SLC9C1: variants seen among roughly 807,000 people sequenced by gnomAD.
SLC9C1 encodes the protein solute carrier family 9 member C1.
Under a neutral mutation model 140.9 loss-of-function variants are expected in SLC9C1, and 97 were observed. The ratio of observed to expected loss-of-function variants is 0.69; its 90% confidence interval spans 0.58 to 0.82. The LOEUF is 0.82. Ranked by LOEUF, SLC9C1 falls within the 40% of genes least tolerant of loss-of-function variation. The pLI, the probability that SLC9C1 is intolerant of heterozygous loss-of-function variation, is 0.00. For synonymous variants in SLC9C1, 440 were observed against 442.6 expected (o/e 0.99, Z 0.07); for missense variants, 1,340 against 1,389.3 (o/e 0.96, Z 0.56).
At chr3:112,155,491 A>G (rs894998453) in intron 26 of SLC9C1, among the ~76,000 whole-genome samples, 1 of 152,156 alleles carries the variant, frequency 6.6e-6, no homozygotes, top group South Asian at 2.1e-4. Context: ...ATGTTGGGCT[A>G]TTGGAGCATG....
intron 10 of SLC9C1, among the ~76,000 whole-genome samples, chr3:112,247,845 T>A (rs2108245133): frequency 6.6e-6 from 1 of 151,194 alleles, no homozygotes; most frequent in African/African-American, 2.4e-5. Context: ...GAAGAGAAAA[T>A]GTAAAGTGGT....
At chr3:112,150,769 C>CAT (rs199513835) in intron 28 of SLC9C1, among the ~76,000 whole-genome samples, 33 of 126,544 alleles carry the variant, frequency 2.6e-4, no homozygotes, top group African/African-American at 8.7e-4. Context: ...TATAAAAATA[C>CAT]ATATATATAT....
intron 28 of SLC9C1, among the ~76,000 whole-genome samples, chr3:112,149,164 G>T (rs114940143): frequency 3.3e-5 from 5 of 152,104 alleles, no homozygotes; most frequent in Non-Finnish European, 7.4e-5. Flanking sequence ...CACAGGAAGT[G>T]GGGGGAGCAG....
At chr3:112,248,460 G>A (rs2079355115) in intron 10 of SLC9C1, among the ~76,000 whole-genome samples, 1 of 151,968 alleles carries the variant, frequency 6.6e-6, no homozygotes. Context: ...TGATACATAT[G>A]TATTTCATTA....
chr3:112,161,413 T>C (rs373336532), intron 26 of SLC9C1, among the ~76,000 whole-genome samples: 3 of 152,180 alleles, frequency 2.0e-5, no homozygotes, highest in African/African-American at 7.2e-5. Flanking sequence ...GGTCTAACGT[T>C]TAAGTCTTTA....
chr3:112,162,020 C>A (rs991786539), intron 26 of SLC9C1, among the ~76,000 whole-genome samples: 3 of 152,110 alleles, frequency 2.0e-5, no homozygotes, highest in African/African-American at 7.2e-5. Flanking sequence ...GTATTTTATT[C>A]TCTTTGAAGC....
At chr3:112,188,180 G>A (rs2077575734) in intron 20 of SLC9C1, among the ~76,000 whole-genome samples, 1 of 152,078 alleles carries the variant, frequency 6.6e-6, no homozygotes, top group Admixed American at 6.5e-5. Flanking sequence ...TTGAATAACT[G>A]TAGATTCCTA....
intron 10 of SLC9C1, among the ~76,000 whole-genome samples, chr3:112,251,794 G>T (rs984233658): frequency 1.1e-4 from 16 of 151,884 alleles, no homozygotes; most frequent in Admixed American, 5.9e-4. Flanking sequence ...ACAGGTCCAT[G>T]ATCCTGCTTC....
At chr3:112,143,493 A>T (rs545628567) in intron 28 of SLC9C1, among the ~76,000 whole-genome samples, 1 of 152,302 alleles carries the variant, frequency 6.6e-6, no homozygotes, top group South Asian at 2.1e-4. Flanking sequence ...ATGATTAGTC[A>T]TGATGAGCAC....
intron 23 of SLC9C1, among the ~76,000 whole-genome samples, chr3:112,173,372 A>T (rs2077280558): frequency 6.6e-6 from 1 of 152,146 alleles, no homozygotes; most frequent in Non-Finnish European, 1.5e-5. Flanking sequence ...TCATTTTATC[A>T]CCCAGGTAAT....
At chr3:112,204,112 A>C in intron 17 of SLC9C1, 106 bp downstream of exon 17, 1 of 1,194,310 alleles carries the variant, frequency 8.4e-7, no homozygotes, top group Non-Finnish European at 1.1e-6. Context: ...TATAAACATT[A>C]ACCCAACAGA....
At chr3:112,162,150 T>C (rs1425141776) in intron 26 of SLC9C1, among the ~76,000 whole-genome samples, 3 of 152,234 alleles carry the variant, frequency 2.0e-5, no homozygotes, top group Non-Finnish European at 4.4e-5. Context: ...AAGTTGCTTA[T>C]GAGCTTAAGG....
At chr3:112,181,036 G>C (rs777447932) in intron 21 of SLC9C1, among the ~76,000 whole-genome samples, 2 of 152,130 alleles carry the variant, frequency 1.3e-5, no homozygotes, top group Non-Finnish European at 2.9e-5. Flanking sequence ...GATTACAGGC[G>C]TGAGCCACCA....
intron 26 of SLC9C1, 146 bp from the exon 27 acceptor site, chr3:112,155,195 A>T: frequency 1.7e-6 from 1 of 603,338 alleles, no homozygotes; most frequent in Non-Finnish European, 2.7e-6. Flanking sequence ...TGGTTAAAAA[A>T]AAGGGTCACA....
At chr3:112,279,905 T>G (rs1361723828) in intron 3 of SLC9C1, among the ~76,000 whole-genome samples, 2 of 152,222 alleles carry the variant, frequency 1.3e-5, no homozygotes, top group Non-Finnish European at 2.9e-5. Flanking sequence ...GCTTATTAGC[T>G]GGCAAGTAGA....
At chr3:112,269,705 T>C (rs1221450754) in intron 7 of SLC9C1, among the ~76,000 whole-genome samples, 1 of 151,452 alleles carries the variant, frequency 6.6e-6, no homozygotes, top group African/African-American at 2.4e-5. Context: ...TTTTTCTTTC[T>C]TTTATAATAG....
rs368429212 is a variant in SLC9C1 at position 112,185,387 on chromosome 3, T to C, written c.2524-3129A>G. On this transcript the variant is annotated intron_variant, in intron 20 of 28. Coordinates refer to ENST00000305815, the MANE Select transcript of SLC9C1 (RefSeq NM_183061.3). ...TCAGCTCCAGGTCATCGGCCTGCGA[T>C]GGGGATGGGGAAGCTGAAAGAGGCA... 568 of 789,384 alleles carry C rather than the reference T, an allele frequency of 7.2e-4. 10 individuals are homozygous for C. The South Asian group carries it at 8.8e-3, about 12-fold the overall frequency. The allele number at this position is 789,384 out of a possible 1,614,324, so 48.9% of individuals were successfully genotyped here.
At chr3:112,264,394 T>C (rs755749173) in intron 8 of SLC9C1, 51 bp from the exon 9 acceptor site, 1 of 1,100,394 alleles carries the variant, frequency 9.1e-7, no homozygotes, top group South Asian at 2.4e-5. Flanking sequence ...TAATTTGACA[T>C]CTTTATTACA....
chr3:112,252,445 G>A (rs1320821540), intron 10 of SLC9C1, among the ~76,000 whole-genome samples: 1 of 152,198 alleles, frequency 6.6e-6, no homozygotes, highest in East Asian at 1.9e-4. Context: ...CTTAAGCATG[G>A]TGGCCTTTAG....
Sources: gnomAD v4.1 joint callset for allele counts (sites outside exome capture counted in the v4.1 genomes callset) on GRCh38, gnomAD v4.1.1 for gene constraint, MANE v1.5 for transcripts, NCBI Gene and HGNC (gene_info 2026-07-23, HGNC 2026-07-21) for gene names.